Variants in CCDC91 observed in about 807,000 individuals in gnomAD.
CCDC91 encodes coiled-coil domain-containing protein 91.
CCDC91 carries 48 observed loss-of-function variants against 63.2 expected under a neutral mutation model. The ratio of observed to expected loss-of-function variants is 0.76; its 90% confidence interval spans 0.60 to 0.97. The LOEUF is 0.97. CCDC91 is among the 50% of genes least tolerant of loss of function. The probability of loss-of-function intolerance (pLI) is 0.00; values close to 1 mark genes in which losing one functional copy is unlikely to be tolerated. For missense variants in CCDC91, 500 were observed against 494.6 expected, an observed-to-expected ratio of 1.01 and a Z score of -0.10; for synonymous variants, 167 against 165.8, an observed-to-expected ratio of 1.01 and a Z score of -0.06.
chr12:28,548,995 A>C, intron 12 of CCDC91, 68 bp from the exon 13 acceptor site: 2 of 1,073,056 alleles, frequency 1.9e-6, no homozygotes, highest in Non-Finnish European at 2.8e-6. Flanking sequence ...TCAGAGACAT[A>C]ATATTCTTTA....
chr12:28,272,393 T>G (rs1947835587), intron 3 of CCDC91, among the ~76,000 whole-genome samples: 2 of 151,360 alleles, frequency 1.3e-5, no homozygotes, highest in Non-Finnish European at 2.9e-5. Flanking sequence ...CTTCTGGAAC[T>G]CTAGTTAGTG....
At chr12:28,371,651 C>T (rs1197444608) in intron 7 of CCDC91, among the ~76,000 whole-genome samples, 4 of 152,168 alleles carry the variant, frequency 2.6e-5, no homozygotes, top group African/African-American at 4.8e-5. Context: ...TAAAATTACC[C>T]TTATAATTAC....
intron 1 of CCDC91, among the ~76,000 whole-genome samples, chr12:28,223,169 T>A (rs1158656475): frequency 6.6e-6 from 1 of 152,160 alleles, no homozygotes; most frequent in East Asian, 1.9e-4. Flanking sequence ...TGTTTGCACA[T>A]AAAGGTGAAC....
rs558779200 is a variant in CCDC91, at chr12:28,345,758, A to G, written c.577-16680A>G. ...ATGTTTTTAAATAACATACTTTACA[A>G]TATTTCTGCTTCTTGATTTTTCGGA... On this transcript the variant is annotated intron_variant, in intron 6 of 12. Coordinates refer to ENST00000536442, the MANE Select transcript of CCDC91 (RefSeq NM_018318.5). 2.6e-5 allele frequency among the ~76,000 whole-genome samples: 4 copies of G among 152,160 alleles called. No homozygotes were observed. The South Asian group carries it at 8.3e-4, about 32-fold the overall frequency.
intron 12 of CCDC91, among the ~76,000 whole-genome samples, chr12:28,501,913 C>G (rs1348385321): frequency 1.3e-5 from 2 of 151,772 alleles, no homozygotes; most frequent in African/African-American, 2.4e-5. Context: ...AGAGATTCAA[C>G]TTCTTCCTGG....
intron 6 of CCDC91, among the ~76,000 whole-genome samples, chr12:28,334,154 C>T (rs180765228): frequency 6.6e-6 from 1 of 151,940 alleles, no homozygotes; most frequent in African/African-American, 2.4e-5. Context: ...AGTCTAACAG[C>T]TTGAGGAATG....
At chr12:28,321,213 C>T (rs191498112) in intron 6 of CCDC91, among the ~76,000 whole-genome samples, 9 of 151,824 alleles carry the variant, frequency 5.9e-5, no homozygotes, top group Admixed American at 4.6e-4. Context: ...CTTTTTCTGA[C>T]CCTTCTGGTT....
intron 8 of CCDC91, among the ~76,000 whole-genome samples, chr12:28,410,389 C>T (rs1232778253): frequency 1.3e-5 from 2 of 152,084 alleles, no homozygotes; most frequent in African/African-American, 4.8e-5. Context: ...ATCCCCTATT[C>T]TTGTACTTTT....
chr12:28,192,620 A>G (rs1259548535), intron 1 of CCDC91, among the ~76,000 whole-genome samples: 1 of 152,186 alleles, frequency 6.6e-6, no homozygotes, highest in Admixed American at 6.5e-5. Context: ...ACGATAAATT[A>G]ATATTTTAGA....
intron 6 of CCDC91, among the ~76,000 whole-genome samples, chr12:28,350,919 T>G (rs181840205): frequency 6.6e-6 from 1 of 152,302 alleles, no homozygotes; most frequent in Admixed American, 6.5e-5. Context: ...GGGTCCTTAA[T>G]TATAATGCAA....
intron 12 of CCDC91, among the ~76,000 whole-genome samples, chr12:28,487,812 A>G (rs1951803246): frequency 6.6e-6 from 1 of 151,852 alleles, no homozygotes; most frequent in Admixed American, 6.6e-5. Context: ...TACTTGTATT[A>G]GGTCCTACCT....
chr12:28,233,577 C>A (rs768733289), intron 1 of CCDC91, among the ~76,000 whole-genome samples: 1 of 152,072 alleles, frequency 6.6e-6, no homozygotes, highest in Non-Finnish European at 1.5e-5. Context: ...TCTTTTGATA[C>A]TTTGAATATT....
chr12:28,191,885 C>T (rs1009451094), intron 1 of CCDC91, among the ~76,000 whole-genome samples: 3 of 152,106 alleles, frequency 2.0e-5, no homozygotes, highest in East Asian at 3.9e-4. Context: ...GCCCTGGTTA[C>T]GAAGTTTGGT....
chr12:28,298,852 A>T (rs1406242761), intron 3 of CCDC91, among the ~76,000 whole-genome samples: 1 of 151,310 alleles, frequency 6.6e-6, no homozygotes, highest in Non-Finnish European at 1.5e-5. Context: ...TGAAATCTTC[A>T]GGATTTATAT....
At chr12:28,472,367 C>T (rs1291546489) in intron 11 of CCDC91, among the ~76,000 whole-genome samples, 4 of 151,866 alleles carry the variant, frequency 2.6e-5, no homozygotes, top group Non-Finnish European at 5.9e-5. Flanking sequence ...CTGCAAAGGT[C>T]AAGACAGAAG....
intron 11 of CCDC91, among the ~76,000 whole-genome samples, chr12:28,461,632 T>C (rs1444833315): frequency 6.6e-6 from 1 of 152,078 alleles, no homozygotes; most frequent in Non-Finnish European, 1.5e-5. Flanking sequence ...CGAATGATAA[T>C]ATACCTGACC....
intron 1 of CCDC91, among the ~76,000 whole-genome samples, chr12:28,251,591 A>C (rs1156346882): frequency 6.6e-6 from 1 of 152,006 alleles, no homozygotes; most frequent in Non-Finnish European, 1.5e-5. Flanking sequence ...GCTTGCTATG[A>C]AATACTGCTG....
intron 12 of CCDC91, among the ~76,000 whole-genome samples, chr12:28,544,525 A>T (rs1942849561): frequency 6.6e-6 from 1 of 152,092 alleles, no homozygotes. Flanking sequence ...ATAAAGGTAG[A>T]TGTAACATGT....
At chr12:28,347,838 TGGC>T (rs1249523123) in intron 6 of CCDC91, among the ~76,000 whole-genome samples, 2 of 152,212 alleles carry the variant, frequency 1.3e-5, no homozygotes, top group Non-Finnish European at 2.9e-5. Flanking sequence ...ATTTCTCCCT[TGGC>T]AAGAATTGTA....
Sources: allele counts gnomAD v4.1 joint callset (sites outside exome capture counted in the v4.1 genomes callset), GRCh38; gene constraint gnomAD v4.1.1; transcripts MANE v1.5; gene names NCBI Gene and HGNC (gene_info 2026-07-23, HGNC 2026-07-21).